The following RTTN variants were observed in gnomAD, a reference collection of about 807,000 sequenced individuals.
The protein encoded by RTTN is rotatin.
RTTN carries 182 observed loss-of-function variants against 269.2 expected under a neutral mutation model. The observed-to-expected ratio is 0.68, with a 90% CI of 0.60 to 0.76. RTTN has a LOEUF of 0.76. Among genes scored for constraint, RTTN ranks in the 30% least tolerant of loss-of-function variants. The pLI is 0.00. For missense variants in RTTN, 2,545 were observed against 2,608.6 expected (o/e 0.98, Z 0.53); for synonymous variants, 1,006 against 963.5 (o/e 1.04, Z -0.82).
chr18:70,077,859 T>A (rs1477963890), intron 32 of RTTN, among the ~76,000 whole-genome samples: 2 of 151,646 alleles, frequency 1.3e-5, no homozygotes, highest in Admixed American at 6.6e-5. Context: ...GAACAAAAAA[T>A]TTAATATCAT....
At chr18:70,036,469 C>T (rs571457817) in intron 40 of RTTN, among the ~76,000 whole-genome samples, 1 of 152,216 alleles carries the variant, frequency 6.6e-6, no homozygotes, top group South Asian at 2.1e-4. Flanking sequence ...TGCTTGTTCT[C>T]ACTTATAAGT....
At position 70,204,236 on chromosome 18, in the gene RTTN, C is replaced by G; in HGVS notation, c.247G>C (p.Asp83His). ...KYPPAVQHLV[D>H]VGAVEFLSKL... is the part of the protein sequence containing the mutation. Reference sequence around the variant, plus strand: ...GATAAGAACTCTACTGCACCAACGTCAACCAAATGTTGGACTGCTGGGGGA... The same window carrying G: ...GATAAGAACTCTACTGCACCAACGTGAACCAAATGTTGGACTGCTGGGGGA... The change falls in exon 3 of 49, where the codon GAC (aspartate) becomes CAC (histidine). Residue 83 changes from aspartate to histidine, a missense_variant. Asp to His is a moderately conservative substitution (Grantham distance 81). Coordinates refer to ENST00000640769, the MANE Select transcript of RTTN (RefSeq NM_173630.4). 6.2e-7 allele frequency: 1 copy of G among 1,612,428 alleles called. No homozygotes were observed. The highest frequency in any genetic ancestry group is 8.5e-7 in the Non-Finnish European group (1 of 1,179,572).
At chr18:70,139,475 T>C in intron 21 of RTTN, 124 bp downstream of exon 21, 1 of 630,054 alleles carries the variant, frequency 1.6e-6, no homozygotes, top group South Asian at 2.2e-5. Flanking sequence ...ACATTAGTAG[T>C]GTATTCACTA....
chr18:70,017,332 T>C (rs1160417125), intron 46 of RTTN, 75 bp downstream of exon 46: 3 of 1,346,512 alleles, frequency 2.2e-6, no homozygotes, highest in Admixed American at 4.3e-5. Flanking sequence ...AAATTATTTA[T>C]AAAATTATTT....
intron 28 of RTTN, among the ~76,000 whole-genome samples, chr18:70,095,546 G>A (rs138543391): frequency 7.2e-5 from 11 of 152,086 alleles, no homozygotes; most frequent in East Asian, 5.8e-4. Context: ...TTTCTCCTTC[G>A]CTTTTGAAGC....
intron 38 of RTTN, 112 bp from the exon 39 acceptor site, chr18:70,051,660 A>G (rs2057673447): frequency 8.9e-6 from 6 of 673,366 alleles, no homozygotes; most frequent in Non-Finnish European, 1.1e-5. Context: ...AGGGGTGTGC[A>G]CTTATCAAAT....
At chr18:70,064,098 G>A (rs1223918836) in intron 35 of RTTN, among the ~76,000 whole-genome samples, 1 of 151,518 alleles carries the variant, frequency 6.6e-6, no homozygotes, top group African/African-American at 2.4e-5. Context: ...AGCACTTTGG[G>A]AGGCCAAGGC....
intron 32 of RTTN, among the ~76,000 whole-genome samples, chr18:70,075,897 A>T (rs1032248520): frequency 2.6e-5 from 4 of 152,122 alleles, no homozygotes; most frequent in African/African-American, 9.7e-5. Context: ...TAGTAAAATA[A>T]TAGGTGTTAA....
chr18:70,163,394 A>T (rs2145886786), intron 14 of RTTN, among the ~76,000 whole-genome samples: 1 of 152,098 alleles, frequency 6.6e-6, no homozygotes, highest in Non-Finnish European at 1.5e-5. Context: ...AAAAAAAAAA[A>T]TCCAGATAAA....
chr18:70,191,095 G>A (rs2061660370), intron 8 of RTTN, among the ~76,000 whole-genome samples: 1 of 152,052 alleles, frequency 6.6e-6, no homozygotes, highest in African/African-American at 2.4e-5. Flanking sequence ...TGGGGAGGCT[G>A]AGGCGGGAGA....
At chr18:70,133,604 A>G (rs1194013839) in intron 23 of RTTN, among the ~76,000 whole-genome samples, 2 of 51,726 alleles carry the variant, frequency 3.9e-5, no homozygotes, top group African/African-American at 6.9e-5. Context: ...AATCTCTCCA[A>G]GTTGAGCAAA....
chr18:70,015,115 G>C (rs1446545110), intron 46 of RTTN, among the ~76,000 whole-genome samples: 6 of 150,694 alleles, frequency 4.0e-5, no homozygotes, highest in Admixed American at 4.0e-4. Context: ...GTCTCACTCT[G>C]TTGCCCAGGC....
At chr18:70,063,088 T>C (rs558377010) in intron 35 of RTTN, among the ~76,000 whole-genome samples, 22 of 152,342 alleles carry the variant, frequency 1.4e-4, no homozygotes, top group Middle Eastern at 3.4e-3. Flanking sequence ...TATGTATTTT[T>C]ATATTGCTGG....
At chr18:70,074,958 C>A (rs1001580344) in intron 33 of RTTN, 2 of 152,276 alleles carry the variant, frequency 1.3e-5, no homozygotes, top group Non-Finnish European at 2.9e-5. Flanking sequence ...CTGTACATTG[C>A]CTAGAAGTGA....
At chr18:70,024,026 G>A (rs181168613) in intron 44 of RTTN, among the ~76,000 whole-genome samples, 12 of 152,158 alleles carry the variant, frequency 7.9e-5, no homozygotes, top group East Asian at 3.9e-4. Flanking sequence ...CAAGTGATCC[G>A]CCTGCCTGGG....
At chr18:70,089,628 C>T (rs144435019) in intron 30 of RTTN, among the ~76,000 whole-genome samples, 2 of 152,108 alleles carry the variant, frequency 1.3e-5, no homozygotes, top group East Asian at 1.9e-4. Context: ...GAAACGTAGA[C>T]ATGGGTAATT....
At chr18:70,018,606 G>A (rs2145508234) in intron 45 of RTTN, among the ~76,000 whole-genome samples, 1 of 152,266 alleles carries the variant, frequency 6.6e-6, no homozygotes, top group South Asian at 2.1e-4. Context: ...AGGACTCTGA[G>A]TGTTAAGAAT....
At chr18:70,127,974 T>C in intron 24 of RTTN, 1 of 507,596 alleles carries the variant, frequency 2.0e-6, no homozygotes, top group Non-Finnish European at 3.5e-6. Flanking sequence ...TTTATTCACT[T>C]AAGACAGACA....
intron 11 of RTTN, among the ~76,000 whole-genome samples, chr18:70,176,422 C>CTGCAATAAAACATA (rs1173845751): frequency 3.9e-5 from 6 of 152,128 alleles, no homozygotes; most frequent in Non-Finnish European, 7.4e-5. Flanking sequence ...AACGTACAGA[C>CTGCAATAAAACATA]TGCAATAAAA....
Sources: gnomAD v4.1 joint callset for allele counts (sites outside exome capture counted in the v4.1 genomes callset) on GRCh38, gnomAD v4.1.1 for gene constraint, MANE v1.5 for transcripts, NCBI Gene and HGNC (gene_info 2026-07-23, HGNC 2026-07-21) for gene names.